Variants in CBR4 observed in about 807,000 individuals in gnomAD.
CBR4 encodes the protein carbonyl reductase 4.
CBR4 carries 22 observed loss-of-function variants against 21.0 expected under a neutral mutation model. The observed-to-expected ratio is 1.05, with a 90% CI of 0.75 to 1.50. The LOEUF is 1.50. Ranked by LOEUF, CBR4 falls within the 40% of genes most tolerant of loss-of-function variation. CBR4 has a pLI of 0.00. For synonymous variants in CBR4, 100 were observed against 104.4 expected, an observed-to-expected ratio of 0.96 and a Z score of 0.26; for missense variants, 302 against 286.3, an observed-to-expected ratio of 1.05 and a Z score of -0.40.
chr4:168,903,931 T>C (rs1757081779), intron 2 of CBR4: 1 of 1,608,022 alleles, frequency 6.2e-7, no homozygotes, highest in Non-Finnish European at 8.5e-7. Context: ...AGGTCTGGGC[T>C]CAGTTCTGTG....
At chr4:168,990,869 A>G (rs1764884834) in intron 4 of CBR4, among the ~76,000 whole-genome samples, 3 of 152,062 alleles carry the variant, frequency 2.0e-5, no homozygotes, top group African/African-American at 4.8e-5. Flanking sequence ...CCTGCCCAAC[A>G]TGGTGAAACC....
intron 2 of CBR4, among the ~76,000 whole-genome samples, chr4:168,939,103 T>C (rs1763190410): frequency 6.6e-6 from 1 of 152,202 alleles, no homozygotes; most frequent in Non-Finnish European, 1.5e-5. Context: ...TCTACCACGA[T>C]CAAGTCGACT....
downstream of CBR4, among the ~76,000 whole-genome samples, chr4:168,986,267 A>G (rs975292420): frequency 2.6e-5 from 4 of 152,316 alleles, no homozygotes; most frequent in South Asian, 8.3e-4. Flanking sequence ...GGACTTGAGC[A>G]TCCACAGATT....
At chr4:168,896,367 T>C (rs139369494) in intron 2 of CBR4, among the ~76,000 whole-genome samples, 1 of 152,226 alleles carries the variant, frequency 6.6e-6, no homozygotes, top group Admixed American at 6.5e-5. Context: ...GAATATCTCA[T>C]GTGATTTATG....
intron 2 of CBR4, among the ~76,000 whole-genome samples, chr4:168,912,795 G>A (rs1759256583): frequency 6.6e-6 from 1 of 152,150 alleles, no homozygotes; most frequent in Admixed American, 6.5e-5. Context: ...CTACAGTGCT[G>A]TGAAACACTA....
At chr4:168,995,759 T>C (rs1479973900) in intron 4 of CBR4, among the ~76,000 whole-genome samples, 1 of 152,144 alleles carries the variant, frequency 6.6e-6, no homozygotes, top group Non-Finnish European at 1.5e-5. Context: ...CTGCATCTCC[T>C]GGAGAGTTAG....
chr4:169,003,982 T>C (rs1432778697), intron 3 of CBR4, among the ~76,000 whole-genome samples: 1 of 151,998 alleles, frequency 6.6e-6, no homozygotes, highest in East Asian at 1.9e-4. Flanking sequence ...CATTGGGAGA[T>C]ATACCTAACG....
chr4:168,982,679 T>C (rs1019291483), downstream of CBR4, among the ~76,000 whole-genome samples: 2 of 152,086 alleles, frequency 1.3e-5, no homozygotes, highest in African/African-American at 4.8e-5. Flanking sequence ...CATAAAGCAA[T>C]TCTCAACAAA....
chr4:168,895,322 C>T (rs968800789), intron 2 of CBR4, among the ~76,000 whole-genome samples: 2 of 152,176 alleles, frequency 1.3e-5, no homozygotes, highest in Non-Finnish European at 2.9e-5. Context: ...GTGGAGGTTG[C>T]AGTGAGCTGA....
rs1478825474 is a variant in CBR4 at position 169,002,144 on chromosome 4, T to C, written c.462A>G (p.Gly154=). 6.4e-7 allele frequency: 1 copy of C among 1,569,552 alleles called. No homozygotes were observed. The highest frequency in any genetic ancestry group is 1.1e-5 in the South Asian group (1 of 87,482). The change falls in exon 4 of 5, where the codon GGA becomes GGG. Residue 154 remains glycine (G), a synonymous_variant. Coordinates refer to ENST00000306193, the MANE Select transcript of CBR4 (RefSeq NM_032783.5). The part of the protein sequence containing the change: ...GQSVYSASKG[G]LVGFSRALAK... Reference sequence around the variant, plus strand: ...CAAGAGCACGTGAAAATCCAACTAATCCTCCTTTACTGGCACTGTAAACGG... The same window carrying C: ...CAAGAGCACGTGAAAATCCAACTAACCCTCCTTTACTGGCACTGTAAACGG...
chr4:168,921,782 C>T (rs1160483560), intron 2 of CBR4: 2 of 1,429,752 alleles, frequency 1.4e-6, no homozygotes, highest in East Asian at 4.5e-5. Context: ...ACAGAATGAA[C>T]ATCAGACTTA....
At chr4:168,909,894 A>G (rs189244320) in intron 2 of CBR4, among the ~76,000 whole-genome samples, 3 of 152,262 alleles carry the variant, frequency 2.0e-5, no homozygotes, top group African/African-American at 7.2e-5. Context: ...AAATGACAAA[A>G]TTATACAACT....
chr4:168,919,115 C>T (rs1430052159), intron 2 of CBR4, among the ~76,000 whole-genome samples: 1 of 152,292 alleles, frequency 6.6e-6, no homozygotes, highest in African/African-American at 2.4e-5. Context: ...ACAGTACTGT[C>T]TTTCACTGGA....
intron 2 of CBR4, among the ~76,000 whole-genome samples, chr4:168,916,468 T>C (rs1760112901): frequency 8.1e-6 from 1 of 123,354 alleles, no homozygotes; most frequent in South Asian, 3.3e-4. Flanking sequence ...CGGATATTTA[T>C]ATATTGTTTA....
At chr4:168,942,811 A>T (rs1724368261) in intron 2 of CBR4, among the ~76,000 whole-genome samples, 1 of 152,140 alleles carries the variant, frequency 6.6e-6, no homozygotes, top group Admixed American at 6.5e-5. Context: ...TAGGCAAGGG[A>T]TCTGAACGGA....
chr4:168,915,285 T>C (rs765955800), intron 2 of CBR4, among the ~76,000 whole-genome samples: 8 of 152,224 alleles, frequency 5.3e-5, no homozygotes, highest in Non-Finnish European at 8.8e-5. Flanking sequence ...TACTTTCAAC[T>C]GTATTCCTCT....
At chr4:169,000,155 A>C (rs1730304558) in intron 4 of CBR4, among the ~76,000 whole-genome samples, 1 of 152,224 alleles carries the variant, frequency 6.6e-6, no homozygotes, top group Non-Finnish European at 1.5e-5. Context: ...AACCACAAAT[A>C]ATTTATTCCA....
At chr4:168,947,783 T>C (rs1560957912) in intron 2 of CBR4, among the ~76,000 whole-genome samples, 3 of 152,228 alleles carry the variant, frequency 2.0e-5, no homozygotes. Flanking sequence ...CATTGATTGA[T>C]AGACATTTGG....
intron 2 of CBR4, among the ~76,000 whole-genome samples, chr4:168,912,954 T>C (rs1759297446): frequency 6.6e-6 from 1 of 152,166 alleles, no homozygotes; most frequent in Non-Finnish European, 1.5e-5. Flanking sequence ...CCTTATCATA[T>C]GACCCACATA....
Sources: gnomAD v4.1 joint callset for allele counts (sites outside exome capture counted in the v4.1 genomes callset) on GRCh38, gnomAD v4.1.1 for gene constraint, MANE v1.5 for transcripts, NCBI Gene and HGNC (gene_info 2026-07-23, HGNC 2026-07-21) for gene names.